The following TPP2 variants were observed in gnomAD, a reference collection of about 807,000 sequenced individuals.
TPP2 encodes the protein tripeptidyl peptidase 2, also known as tripeptidyl-peptidase 2.
A neutral mutation model predicts 155.9 loss-of-function variants in TPP2; 34 were observed. The observed-to-expected ratio is 0.22, with a 90% CI of 0.17 to 0.29. TPP2 has a LOEUF of 0.29. TPP2 is among the 10% of genes least tolerant of loss of function. TPP2 has a pLI of 1.00. For synonymous variants in TPP2, 510 were observed against 529.4 expected, an observed-to-expected ratio of 0.96 and a Z score of 0.50; for missense variants, 1,028 against 1,522.3, an observed-to-expected ratio of 0.68 and a Z score of 5.40.
At chr13:102,629,739 T>C in intron 9 of TPP2, 130 bp downstream of exon 9, 2 of 1,264,074 alleles carry the variant, frequency 1.6e-6, no homozygotes, top group Non-Finnish European at 2.1e-6. Flanking sequence ...TCAGGAAACT[T>C]ATAGTCTGGT....
At chr13:102,618,885 GTTTTC>G in intron 5 of TPP2, 39 bp downstream of exon 5, 1 of 1,570,176 alleles carries the variant, frequency 6.4e-7, no homozygotes, top group Non-Finnish European at 8.6e-7. Context: ...ATTTACAAAT[GTTTTC>G]TTTTCTACTC....
intron 6 of TPP2, among the ~76,000 whole-genome samples, chr13:102,624,251 C>T (rs909703398): frequency 2.0e-5 from 3 of 151,840 alleles, no homozygotes; most frequent in African/African-American, 7.3e-5. Flanking sequence ...AGGATGGTGG[C>T]TACTTCTGGG....
At chr13:102,674,582 T>C in intron 28 of TPP2, 92 bp downstream of exon 28, 1 of 1,287,646 alleles carries the variant, frequency 7.8e-7, no homozygotes, top group East Asian at 2.4e-5. Flanking sequence ...AGGAAGAAGA[T>C]AAATGGAAAG....
At chr13:102,635,180 T>C (rs1372309551) in intron 11 of TPP2, among the ~76,000 whole-genome samples, 1 of 152,206 alleles carries the variant, frequency 6.6e-6, no homozygotes, top group East Asian at 1.9e-4. Context: ...TCATGAGACC[T>C]CAGCATCTTT....
At chr13:102,618,077 TAC>T (rs113807363) in intron 4 of TPP2, among the ~76,000 whole-genome samples, 5 of 152,272 alleles carry the variant, frequency 3.3e-5, no homozygotes, top group African/African-American at 1.2e-4. Context: ...TTTTTTTATA[TAC>T]ACTCTAGGTT....
At chr13:102,633,392 A>G (rs1452762036) in intron 10 of TPP2, among the ~76,000 whole-genome samples, 1 of 152,150 alleles carries the variant, frequency 6.6e-6, no homozygotes, top group Non-Finnish European at 1.5e-5. Context: ...AACAATGTAA[A>G]CTAATTCATT....
chr13:102,664,649 T>C (rs899859546), intron 26 of TPP2, 146 bp from the exon 27 acceptor site: 15 of 732,106 alleles, frequency 2.0e-5, no homozygotes, highest in Non-Finnish European at 2.9e-5. Flanking sequence ...CAGTAGGAGA[T>C]AGCAGGGAGC....
intron 2 of TPP2, among the ~76,000 whole-genome samples, chr13:102,607,178 A>G (rs957893102): frequency 2.0e-5 from 3 of 152,204 alleles, no homozygotes; most frequent in Non-Finnish European, 4.4e-5. Context: ...ATAAGTTTCA[A>G]TTGTCAGAGT....
chr13:102,646,136 A>G (rs946923027), intron 19 of TPP2, among the ~76,000 whole-genome samples, 158 bp from the exon 20 acceptor site: 4 of 152,250 alleles, frequency 2.6e-5, no homozygotes, highest in Admixed American at 2.6e-4. Context: ...TATGTAAGTT[A>G]GTGATTAAAA....
intron 13 of TPP2, among the ~76,000 whole-genome samples, 191 bp from the exon 14 acceptor site, chr13:102,636,891 A>G (rs552679100): frequency 6.6e-6 from 1 of 152,334 alleles, no homozygotes; most frequent in South Asian, 2.1e-4. Flanking sequence ...TGCTTGGTGA[A>G]AGTATAAATG....
chr13:102,632,297 T>G (rs1419634317), intron 10 of TPP2, among the ~76,000 whole-genome samples: 1 of 151,628 alleles, frequency 6.6e-6, no homozygotes, highest in African/African-American at 2.4e-5. Context: ...CAGGCTGGAG[T>G]GCAGTGGCAT....
intron 2 of TPP2, among the ~76,000 whole-genome samples, chr13:102,612,585 A>G (rs1465942581): frequency 6.6e-6 from 1 of 152,342 alleles, no homozygotes; most frequent in East Asian, 1.9e-4. Context: ...TCATAAAGTT[A>G]GCTTTACTCT....
intron 10 of TPP2, 27 bp downstream of exon 10, chr13:102,630,222 T>C: frequency 6.4e-7 from 1 of 1,551,780 alleles, no homozygotes; most frequent in Non-Finnish European, 8.9e-7. Context: ...CGCGGAACCA[T>C]TACGTATATT....
At chr13:102,615,503 T>C (rs75699348) in intron 3 of TPP2, among the ~76,000 whole-genome samples, 13,508 of 152,264 alleles carry the variant, frequency 0.089, 829 homozygotes, top group African/African-American at 0.17. Context: ...TGTGATTTAA[T>C]ATGCAAATAT....
intron 2 of TPP2, among the ~76,000 whole-genome samples, chr13:102,608,854 G>A (rs1566319221): frequency 2.0e-5 from 3 of 151,904 alleles, no homozygotes; most frequent in Middle Eastern, 3.4e-3. Flanking sequence ...TTGTTTAGGT[G>A]TCTAATCATC....
At chr13:102,674,157 C>T (rs1885160535) in intron 27 of TPP2, 126 bp from the exon 28 acceptor site, 3 of 969,834 alleles carry the variant, frequency 3.1e-6, no homozygotes, top group South Asian at 3.5e-5. Context: ...TTGTACGTAC[C>T]TGGATATACA....
chr13:102,651,495 C>T (rs1209403960), intron 24 of TPP2, 98 bp downstream of exon 24: 2 of 1,248,456 alleles, frequency 1.6e-6, no homozygotes, highest in East Asian at 2.6e-5. Flanking sequence ...TAATAAGTCT[C>T]CCTTAGTTTC....
chr13:102,649,609 T>A, intron 23 of TPP2, 123 bp downstream of exon 23: 1 of 765,414 alleles, frequency 1.3e-6, no homozygotes, highest in South Asian at 2.4e-5. Flanking sequence ...GGAAAAAAAT[T>A]TAATCCTTTT....
intron 3 of TPP2, among the ~76,000 whole-genome samples, chr13:102,616,052 G>A (rs1326330039): frequency 2.0e-5 from 3 of 152,010 alleles, no homozygotes; most frequent in Non-Finnish European, 4.4e-5. Flanking sequence ...AGCCTCCTGG[G>A]TTCAAGCGAT....
Sources: allele counts gnomAD v4.1 joint callset (sites outside exome capture counted in the v4.1 genomes callset), GRCh38; gene constraint gnomAD v4.1.1; transcripts MANE v1.5; gene names NCBI Gene and HGNC (gene_info 2026-07-23, HGNC 2026-07-21).